Variants in LIMK1 observed in about 807,000 individuals in gnomAD.
LIMK1 encodes LIM domain kinase 1.
Under a neutral mutation model 77.6 loss-of-function variants are expected in LIMK1, and 21 were observed. The ratio of observed to expected loss-of-function variants is 0.27; its 90% confidence interval spans 0.19 to 0.39. The LOEUF is 0.39. Ranked by LOEUF, LIMK1 falls within the 10% of genes least tolerant of loss-of-function variation. The pLI, the probability that LIMK1 is intolerant of heterozygous loss-of-function variation, is 1.00. For missense variants in LIMK1, 696 were observed against 901.6 expected (o/e 0.77, Z 2.92); for synonymous variants, 358 against 370.0 (o/e 0.97, Z 0.37).
intron 13 of LIMK1, among the ~76,000 whole-genome samples, chr7:74,120,257 TCA>T (rs1799903190): frequency 1.3e-5 from 2 of 152,220 alleles, no homozygotes; most frequent in East Asian, 3.9e-4. Flanking sequence ...CCAGTAACAT[TCA>T]CAGATTCCAG....
intron 2 of LIMK1, among the ~76,000 whole-genome samples, chr7:74,091,080 A>AT (rs1275691196): frequency 2.0e-5 from 3 of 150,896 alleles, no homozygotes; most frequent in East Asian, 2.0e-4. Context: ...CACCCGGCTA[A>AT]TTTTTTTTTG....
rs782036877 is a variant in LIMK1, at chr7:74,099,235, A to T, written c.605A>T (p.Gln202Leu). The T allele has an allele frequency of 1.2e-5, 19 of 1,603,242 alleles. No homozygotes were observed. Among genetic ancestry groups the T allele is most frequent in the Non-Finnish European group, 1.5e-5 (18 of 1,179,518 alleles). Residue 202 changes from glutamine (Q) to leucine (L), a missense_variant, in exon 5 of 16, where the codon CAG becomes CTG. Physicochemically the swap from Gln to Leu is moderately radical, Grantham distance 113. Around this residue, in one of 3 missense-constraint regions of LIMK1, gnomAD observed 252 missense variants for 279.4 expected, o/e 0.90. Transcript: ENST00000336180. ...GAGCACTCACACACCGTCCGCGTCC[A>T]GGGGTGAGTGGCCGGCCTGCCGAGG... is the stretch of plus-strand genomic sequence containing the variant. Reference protein sequence around the residue: ...GTEHSHTVRVQGVDPGCMSPD... With the variant: ...GTEHSHTVRVLGVDPGCMSPD...
rs1554695671 is a variant in LIMK1, at chr7:74,096,726, G to A, written c.257G>A (p.Gly86Glu). 1 of 1,612,574 alleles carries A rather than the reference G, an allele frequency of 6.2e-7. No individual in the cohort carries two copies. Among genetic ancestry groups the A allele is most frequent in the East Asian group, 2.2e-5 (1 of 44,854 alleles). ...GCCCGCTATGGCGAGTCCTGCCATG[G>A]GTGCTCTGAGCAAATCACCAAGGGA... is the stretch of plus-strand genomic sequence containing the variant. ...YWARYGESCH[G>E]CSEQITKGLV... is the part of the protein sequence containing the mutation. The change falls in exon 3 of 16, where the codon GGG (glycine) becomes GAG (glutamate). Residue 86 changes from glycine (G) to glutamate (E), a missense_variant. Gly to Glu is a moderately conservative substitution (Grantham distance 98). Around this residue, in one of 3 missense-constraint regions of LIMK1, gnomAD observed 252 missense variants for 279.4 expected, o/e 0.90. Transcript: ENST00000336180.
chr7:74,120,885 T>C lies in LIMK1; in HGVS notation c.1624-7T>C, dbSNP rs369646201. 4.3e-6 allele frequency: 7 copies of C among 1,613,982 alleles called. No individual in the cohort carries two copies. In the African/African-American group the frequency reaches 9.3e-5, roughly 22 times the overall value. On this transcript the variant is annotated splice_polypyrimidine_tract_variant and splice_region_variant and intron_variant, in intron 14 of 15. Coordinates refer to ENST00000336180, the MANE Select transcript of LIMK1 (RefSeq NM_002314.4). ...CTGGAGTAACTGCCGGGCCTTGTAC[T>C]GGACAGATCATCGGGCGGGTGAACG... is the stretch of plus-strand genomic sequence containing the variant.
chr7:74,091,996 C>T (rs1222998154), intron 2 of LIMK1, among the ~76,000 whole-genome samples: 1 of 120,666 alleles, frequency 8.3e-6, no homozygotes, highest in Non-Finnish European at 1.6e-5. Context: ...GACAGAGTCT[C>T]GCTTTTGTTG....
intron 14 of LIMK1, 57 bp from the exon 15 acceptor site, chr7:74,120,835 C>T: frequency 6.2e-7 from 1 of 1,608,822 alleles, no homozygotes; most frequent in Non-Finnish European, 8.5e-7. Flanking sequence ...CTGGATGGCA[C>T]CCAGATGCCC....
At chr7:74,107,978 C>T (rs782197492) in intron 9 of LIMK1, 21 bp downstream of exon 9, 74 of 1,538,732 alleles carry the variant, frequency 4.8e-5, no homozygotes, top group Middle Eastern at 1.7e-4. Context: ...GGAATGCCCT[C>T]TTCCCTCCAG....
chr7:74,102,849 G>A (rs1462717885), intron 5 of LIMK1, among the ~76,000 whole-genome samples: 6 of 150,218 alleles, frequency 4.0e-5, no homozygotes, highest in East Asian at 3.9e-4. Context: ...GCATTTAATC[G>A]TCATGTGTCA....
chr7:74,109,079 G>A (rs782456989), intron 10 of LIMK1, 43 bp downstream of exon 10: 70 of 1,481,906 alleles, frequency 4.7e-5, no homozygotes, highest in Middle Eastern at 3.4e-4. Flanking sequence ...GTGCGGCCCC[G>A]GGCAAAGCAG....
At chr7:74,099,538 C>T (rs1178290488) in intron 5 of LIMK1, among the ~76,000 whole-genome samples, 1 of 151,768 alleles carries the variant, frequency 6.6e-6, no homozygotes, top group Non-Finnish European at 1.5e-5. Flanking sequence ...CGAGACCAGC[C>T]TGGGCAATGT....
At chr7:74,113,182 G>T (rs1799738279) in intron 12 of LIMK1, among the ~76,000 whole-genome samples, 3 of 152,088 alleles carry the variant, frequency 2.0e-5, no homozygotes. Context: ...GGAATAGCCA[G>T]CCGTGGTGGC....
chr7:74,114,196 G>A (rs1204639022), intron 12 of LIMK1, among the ~76,000 whole-genome samples: 5 of 151,358 alleles, frequency 3.3e-5, no homozygotes, highest in African/African-American at 9.7e-5. Context: ...GCTGTGAGCC[G>A]AGATCACGTC....
rs1799342640 is a variant in LIMK1 at position 74,096,662 on chromosome 7, G to A, written c.193G>A (p.Glu65Lys). The A allele has an allele frequency of 6.2e-7, 1 of 1,613,982 alleles. No individual in the cohort carries two copies. The highest frequency in any genetic ancestry group is 8.5e-7 in the Non-Finnish European group (1 of 1,180,040). ...TGCCTCCCTGTCGCACCAGTACTAT[G>A]AGAAGGATGGGCAGCTCTTCTGCAA... ...CSASLSHQYY[E>K]KDGQLFCKKD... The change falls in exon 3 of 16, where the codon GAG (glutamate) becomes AAG (lysine). Residue 65 changes from glutamate (E) to lysine (K), a missense_variant. By Grantham distance (56) the Glu-to-Lys change is moderately conservative. Around this residue, in one of 3 missense-constraint regions of LIMK1, gnomAD observed 252 missense variants for 279.4 expected, o/e 0.90. Coordinates refer to ENST00000336180, the MANE Select transcript of LIMK1 (RefSeq NM_002314.4).
intron 8 of LIMK1, among the ~76,000 whole-genome samples, 187 bp from the exon 9 acceptor site, chr7:74,107,679 CAAAAA>C (rs11321792): frequency 3.2e-5 from 4 of 126,484 alleles, no homozygotes; most frequent in Admixed American, 8.1e-5. Context: ...GACCCCATCT[CAAAAA>C]AAAAAAAAAA....
chr7:74,094,782 C>T (rs782261928), intron 2 of LIMK1, among the ~76,000 whole-genome samples: 3 of 151,980 alleles, frequency 2.0e-5, no homozygotes, highest in Admixed American at 6.6e-5. Flanking sequence ...TGCTGTGCAC[C>T]GAGTGGGGCA....
In LIMK1 at chr7:74,106,151, C is replaced by T. The variant is rs782355568; in HGVS notation, c.789C>T (p.Gly263=). 3.7e-6 allele frequency: 6 copies of T among 1,614,064 alleles called. No individual in the cohort carries two copies. The Admixed American group carries it at 8.3e-5, about 22-fold the overall frequency. Residue 263 remains glycine (G), a synonymous_variant, in exon 7 of 16, where the codon GGC becomes GGT. Coordinates refer to ENST00000336180, the MANE Select transcript of LIMK1 (RefSeq NM_002314.4). ...AGCATGACCCTCACGATACACTGGGCCACGGGCTGGGGCCTGAGACCAGCC... is the reference window on the plus strand; with the variant it reads ...AGCATGACCCTCACGATACACTGGGTCACGGGCTGGGGCCTGAGACCAGCC... ...TLEHDPHDTL[G]HGLGPETSPL...
chr7:74,090,431 C>T (rs1799215271), intron 2 of LIMK1, among the ~76,000 whole-genome samples: 1 of 151,998 alleles, frequency 6.6e-6, no homozygotes, highest in African/African-American at 2.4e-5. Context: ...GCCATGGCTT[C>T]TACCTCGTGG....
At chr7:74,096,934 C>G in intron 3 of LIMK1, 146 bp from the exon 4 acceptor site, 2 of 1,040,854 alleles carry the variant, frequency 1.9e-6, no homozygotes, top group Non-Finnish European at 2.8e-6. Flanking sequence ...TCTATGGAGC[C>G]AGCTCTGTCC....
intron 15 of LIMK1, 42 bp downstream of exon 15, chr7:74,121,091 A>G (rs911950749): frequency 1.8e-5 from 28 of 1,596,908 alleles, no homozygotes; most frequent in Non-Finnish European, 2.4e-5. Flanking sequence ...GGTGGGGCCG[A>G]TTCCCGGGAC....
Sources: allele counts gnomAD v4.1 joint callset (sites outside exome capture counted in the v4.1 genomes callset), GRCh38; gene constraint gnomAD v4.1.1; regional missense constraint gnomAD v4.1.1; transcripts MANE v1.5; gene names NCBI Gene and HGNC (gene_info 2026-07-23, HGNC 2026-07-21).